Variants in CTNNA3 observed in about 807,000 individuals in gnomAD.
CTNNA3 encodes catenin alpha-3.
Under a neutral mutation model 95.7 loss-of-function variants are expected in CTNNA3, and 76 were observed. That is an observed-to-expected ratio of 0.79 (90% CI 0.66 to 0.96). The LOEUF is 0.96. CTNNA3 is among the 40% of genes least tolerant of loss of function. The pLI, the probability that CTNNA3 is intolerant of heterozygous loss-of-function variation, is 0.00. For synonymous variants in CTNNA3, 431 were observed against 374.4 expected (o/e 1.15, Z -1.74); for missense variants, 1,191 against 1,089.8 (o/e 1.09, Z -1.31).
chr10:66,294,961 A>G (rs1406784232), intron 12 of CTNNA3, among the ~76,000 whole-genome samples: 2 of 152,208 alleles, frequency 1.3e-5, no homozygotes, highest in South Asian at 2.1e-4. Flanking sequence ...AGCCATGGCA[A>G]TAGGCCAAAT....
rs114107554 is a variant in CTNNA3, at chr10:66,864,547, T to C, written c.1048-89023A>G. ...CAAAACAAAATGAGCTAGGACATCA[T>C]ATTAACATACACTAAAGAAATTATT... On this transcript the variant is annotated intron_variant, in intron 7 of 17. Coordinates refer to ENST00000433211, the MANE Select transcript of CTNNA3 (RefSeq NM_013266.4). 6.5e-3 allele frequency among the ~76,000 whole-genome samples: 987 copies of C among 152,290 alleles called. 11 individuals are homozygous for C. The highest frequency in any genetic ancestry group is 0.023 in the African/African-American group (940 of 41,586).
intron 13 of CTNNA3, among the ~76,000 whole-genome samples, chr10:66,211,269 A>G (rs1451867317): frequency 6.6e-6 from 1 of 152,214 alleles, no homozygotes; most frequent in Non-Finnish European, 1.5e-5. Flanking sequence ...CAAGCAGCAC[A>G]TAAAAACTGA....
At chr10:67,561,036 A>G (rs1841490137) in intron 3 of CTNNA3, among the ~76,000 whole-genome samples, 3 of 149,244 alleles carry the variant, frequency 2.0e-5, no homozygotes, top group Admixed American at 2.0e-4. Flanking sequence ...CACAATAATA[A>G]TGGGAGACTT....
intron 9 of CTNNA3, among the ~76,000 whole-genome samples, chr10:66,642,137 C>A (rs1336300462): frequency 6.6e-6 from 1 of 152,004 alleles, no homozygotes. Flanking sequence ...GGGTCAGGCT[C>A]ATCTATCCCT....
chr10:66,227,180 C>A (rs1464311216), intron 13 of CTNNA3, among the ~76,000 whole-genome samples: 1 of 152,022 alleles, frequency 6.6e-6, no homozygotes, highest in Non-Finnish European at 1.5e-5. Context: ...TTATTCCTTT[C>A]TCTTGCCTAA....
intron 5 of CTNNA3, among the ~76,000 whole-genome samples, chr10:67,370,115 T>C (rs1441312064): frequency 6.6e-6 from 1 of 152,184 alleles, no homozygotes; most frequent in African/African-American, 2.4e-5. Context: ...TTGAAAATCA[T>C]TAAAATGTCC....
chr10:67,006,280 A>C (rs528178285), intron 7 of CTNNA3, among the ~76,000 whole-genome samples: 2 of 152,180 alleles, frequency 1.3e-5, no homozygotes, highest in African/African-American at 4.8e-5. Context: ...ACACCACTTA[A>C]CTATTAAGTG....
chr10:66,740,047 A>G (rs1849276561), intron 9 of CTNNA3, among the ~76,000 whole-genome samples: 1 of 152,184 alleles, frequency 6.6e-6, no homozygotes, highest in Admixed American at 6.5e-5. Context: ...CATTTGGGGA[A>G]TCATGTCTTG....
intron 3 of CTNNA3, among the ~76,000 whole-genome samples, chr10:67,596,996 G>A (rs1175618696): frequency 6.6e-6 from 1 of 152,006 alleles, no homozygotes; most frequent in African/African-American, 2.4e-5. Context: ...TGACTGAGTT[G>A]TTTCAAAGAA....
intron 7 of CTNNA3, among the ~76,000 whole-genome samples, chr10:67,139,369 G>A (rs1205804803): frequency 4.8e-5 from 7 of 146,220 alleles, no homozygotes; most frequent in African/African-American, 1.5e-4. Flanking sequence ...GGATGGTCTC[G>A]CTTTCCTGAC....
chr10:66,120,527 C>A (rs2082533091), intron 13 of CTNNA3, among the ~76,000 whole-genome samples: 1 of 151,976 alleles, frequency 6.6e-6, no homozygotes, highest in Non-Finnish European at 1.5e-5. Flanking sequence ...CCTTATTCTG[C>A]AAAATGGATT....
rs552549825 is a variant in CTNNA3, at chr10:66,992,483, G to T, written c.1047+187834C>A. On this transcript the variant is annotated intron_variant, in intron 7 of 17. Transcript: ENST00000433211. ...TATCTGAATAAAAAATTCTTTGTCAGTTCTAGTTTTATGCATTACAAATAT... is the reference window on the plus strand; with the variant it reads ...TATCTGAATAAAAAATTCTTTGTCATTTCTAGTTTTATGCATTACAAATAT... Among the ~76,000 whole-genome samples the T allele has an allele frequency of 4.7e-5, 7 of 149,060 alleles. No homozygotes were observed. In the South Asian group the frequency reaches 1.1e-3, roughly 23 times the overall value.
chr10:67,007,224 C>T (rs992799703), intron 7 of CTNNA3, among the ~76,000 whole-genome samples: 1 of 152,176 alleles, frequency 6.6e-6, no homozygotes, highest in African/African-American at 2.4e-5. Context: ...TCCTGTTTAG[C>T]ATCAACACAT....
chr10:67,081,099 C>G (rs1857038180), intron 7 of CTNNA3, among the ~76,000 whole-genome samples: 1 of 152,138 alleles, frequency 6.6e-6, no homozygotes, highest in Admixed American at 6.5e-5. Context: ...TTAATAATGT[C>G]TAAATGTTTC....
chr10:65,945,135 T>C (rs12184398), intron 17 of CTNNA3, among the ~76,000 whole-genome samples: 19,935 of 145,304 alleles, frequency 0.14, 1,624 homozygotes, highest in Middle Eastern at 0.23. Context: ...AAATACCTCT[T>C]CTATAAATGT....
At chr10:65,936,105 C>T (rs1033291345) in intron 17 of CTNNA3, among the ~76,000 whole-genome samples, 12 of 152,116 alleles carry the variant, frequency 7.9e-5, no homozygotes, top group Non-Finnish European at 1.5e-4. Context: ...TGACTAACTC[C>T]AGTTGTCTTG....
intron 9 of CTNNA3, among the ~76,000 whole-genome samples, chr10:66,635,498 A>C (rs1380881443): frequency 3.9e-5 from 6 of 152,152 alleles, no homozygotes; most frequent in Admixed American, 3.3e-4. Context: ...CAGAAAGAGA[A>C]GGGATTTTCT....
intron 5 of CTNNA3, chr10:67,403,305 T>G (rs1403612763): frequency 6.6e-6 from 1 of 152,362 alleles, no homozygotes; most frequent in Non-Finnish European, 1.5e-5. Context: ...GATCTCTCCC[T>G]TGGCTGGAGT....
chr10:65,985,838 C>T (rs529784388), intron 16 of CTNNA3, among the ~76,000 whole-genome samples: 1 of 151,522 alleles, frequency 6.6e-6, no homozygotes, highest in South Asian at 2.1e-4. Flanking sequence ...GTCTAATTGT[C>T]CTAGTTTATA....
Sources: allele counts gnomAD v4.1 joint callset (sites outside exome capture counted in the v4.1 genomes callset), GRCh38; gene constraint gnomAD v4.1.1; transcripts MANE v1.5; gene names NCBI Gene and HGNC (gene_info 2026-07-23, HGNC 2026-07-21).